Variants in FSTL4 observed in about 807,000 individuals in gnomAD.
The protein encoded by FSTL4 is follistatin like 4, also known as follistatin-related protein 4.
FSTL4 carries 28 observed loss-of-function variants against 78.2 expected under a neutral mutation model. That is an observed-to-expected ratio of 0.36 (90% CI 0.27 to 0.49). FSTL4 has a LOEUF of 0.49. Among genes scored for constraint, FSTL4 ranks in the 20% least tolerant of loss-of-function variants. The probability of loss-of-function intolerance (pLI) is 0.98; values close to 1 mark genes in which losing one functional copy is unlikely to be tolerated. For synonymous variants in FSTL4, 422 were observed against 440.5 expected, an observed-to-expected ratio of 0.96 and a Z score of 0.53; for missense variants, 922 against 1,084.9, an observed-to-expected ratio of 0.85 and a Z score of 2.11.
intron 2 of FSTL4, among the ~76,000 whole-genome samples, chr5:133,603,227 G>A (rs969635260): frequency 6.6e-6 from 1 of 152,184 alleles, no homozygotes; most frequent in African/African-American, 2.4e-5. Context: ...CCAGGTTGCA[G>A]TTTATGGATC....
chr5:133,541,764 A>G (rs201567080), intron 3 of FSTL4, among the ~76,000 whole-genome samples: 2 of 152,112 alleles, frequency 1.3e-5, no homozygotes, highest in East Asian at 3.9e-4. Flanking sequence ...CTGACACCAA[A>G]TAACCTTCCA....
At chr5:133,635,264 A>G in the FSTL4 span, among the ~76,000 whole-genome samples, 1 of 152,334 alleles carries the variant, frequency 6.6e-6, no homozygotes, top group East Asian at 1.9e-4. Context: ...ACAGGGAGTG[A>G]ATGATTAAAA....
chr5:133,795,228 T>C, the FSTL4 span, among the ~76,000 whole-genome samples: 4 of 152,180 alleles, frequency 2.6e-5, no homozygotes, highest in East Asian at 1.9e-4. Context: ...AATGCTCCGA[T>C]TGAAGCAGGA....
At chr5:133,717,711 A>G in the FSTL4 span, among the ~76,000 whole-genome samples, 1 of 152,344 alleles carries the variant, frequency 6.6e-6, no homozygotes, top group East Asian at 1.9e-4. Context: ...TTCATTCAGC[A>G]TAATGTTTTT....
At chr5:133,470,706 C>T (rs1037585398) in intron 3 of FSTL4, among the ~76,000 whole-genome samples, 1 of 150,702 alleles carries the variant, frequency 6.6e-6, no homozygotes, top group Admixed American at 6.6e-5. Context: ...GATTGCACCA[C>T]TGCACTCCAG....
intron 2 of FSTL4, among the ~76,000 whole-genome samples, chr5:133,596,258 G>A (rs1760735357): frequency 6.6e-6 from 1 of 152,198 alleles, no homozygotes; most frequent in African/African-American, 2.4e-5. Context: ...TGCTTCAGGG[G>A]CCCAGGCCCC....
the FSTL4 span, among the ~76,000 whole-genome samples, chr5:133,672,196 C>A: frequency 6.6e-6 from 1 of 151,712 alleles, no homozygotes; most frequent in Non-Finnish European, 1.5e-5. Flanking sequence ...CAAGCGGAAG[C>A]AATGTGTATT....
chr5:133,271,521 T>C (rs1417241898), intron 6 of FSTL4, among the ~76,000 whole-genome samples: 1 of 152,150 alleles, frequency 6.6e-6, no homozygotes, highest in Non-Finnish European at 1.5e-5. Flanking sequence ...TGGCTAGCCT[T>C]TCCTGCCCCC....
intron 4 of FSTL4, among the ~76,000 whole-genome samples, chr5:133,389,968 G>A (rs1290821010): frequency 6.6e-6 from 1 of 152,224 alleles, no homozygotes; most frequent in Admixed American, 6.5e-5. Context: ...CAGGCCGAAT[G>A]AGTGAGGGAG....
At chr5:133,285,599 G>A (rs1753110016) in intron 6 of FSTL4, among the ~76,000 whole-genome samples, 1 of 152,196 alleles carries the variant, frequency 6.6e-6, no homozygotes, top group Non-Finnish European at 1.5e-5. Context: ...CCAAGGGCAT[G>A]TCCTGCCACC....
At chr5:133,486,612 T>G (rs1758142752) in intron 3 of FSTL4, among the ~76,000 whole-genome samples, 1 of 152,174 alleles carries the variant, frequency 6.6e-6, no homozygotes, top group Non-Finnish European at 1.5e-5. Context: ...TCTCATCTCT[T>G]GTGCTAAGAA....
chr5:133,480,417 T>A (rs369494087), intron 3 of FSTL4, among the ~76,000 whole-genome samples: 1 of 152,234 alleles, frequency 6.6e-6, no homozygotes, highest in African/African-American at 2.4e-5. Flanking sequence ...AAGTGCTTCA[T>A]GGTCATCCTG....
the FSTL4 span, among the ~76,000 whole-genome samples, chr5:133,799,027 G>C: frequency 2.2e-5 from 2 of 89,942 alleles, no homozygotes; most frequent in African/African-American, 8.7e-5. Flanking sequence ...GGAATTAGAG[G>C]GGAGGAGAGA....
At chr5:133,455,110 C>T (rs1004541024) in intron 3 of FSTL4, among the ~76,000 whole-genome samples, 12 of 152,166 alleles carry the variant, frequency 7.9e-5, no homozygotes, top group African/African-American at 1.4e-4. Flanking sequence ...ATGAGGGAGA[C>T]GTGGCCCCTG....
At chr5:133,652,489 T>C in the FSTL4 span, among the ~76,000 whole-genome samples, 1 of 152,240 alleles carries the variant, frequency 6.6e-6, no homozygotes, top group East Asian at 1.9e-4. Context: ...AATTTTCTTT[T>C]GAGATTTCTT....
chr5:133,235,574 G>GGGTA (rs770170271), intron 7 of FSTL4, among the ~76,000 whole-genome samples: 31 of 151,954 alleles, frequency 2.0e-4, no homozygotes, highest in Non-Finnish European at 3.8e-4. Flanking sequence ...GTGAAGCTTG[G>GGGTA]GGTAGGGCAA....
At chr5:133,803,984 C>T in the FSTL4 span, among the ~76,000 whole-genome samples, 892 of 152,264 alleles carry the variant, frequency 5.9e-3, 7 homozygotes, top group African/African-American at 0.02. Context: ...GTTTCCTCTG[C>T]GAATCTCCTG....
intron 2 of FSTL4, among the ~76,000 whole-genome samples, chr5:133,590,340 A>C (rs1252825789): frequency 6.6e-6 from 1 of 152,136 alleles, no homozygotes. Flanking sequence ...ATCACAACAA[A>C]AACCAAATTT....
the FSTL4 span, among the ~76,000 whole-genome samples, chr5:133,711,447 C>A: frequency 2.6e-5 from 4 of 152,190 alleles, no homozygotes; most frequent in Admixed American, 2.6e-4. Flanking sequence ...GCTGAAAGGG[C>A]CAGGGATGGA....
Sources: allele counts gnomAD v4.1 joint callset (sites outside exome capture counted in the v4.1 genomes callset), GRCh38; gene constraint gnomAD v4.1.1; transcripts MANE v1.5; gene names NCBI Gene and HGNC (gene_info 2026-07-23, HGNC 2026-07-21).